Variants in CTNNA3 observed in about 807,000 individuals in gnomAD.
CTNNA3 encodes the protein catenin alpha 3.
A neutral mutation model predicts 95.7 loss-of-function variants in CTNNA3; 76 were observed. That is an observed-to-expected ratio of 0.79 (90% CI 0.66 to 0.96). The LOEUF is 0.96. Ranked by LOEUF, CTNNA3 falls within the 40% of genes least tolerant of loss-of-function variation. The probability of loss-of-function intolerance (pLI) is 0.00; values close to 1 mark genes in which losing one functional copy is unlikely to be tolerated. For missense variants in CTNNA3, 1,191 were observed against 1,089.8 expected (o/e 1.09, Z -1.31); for synonymous variants, 431 against 374.4 (o/e 1.15, Z -1.74).
intron 13 of CTNNA3, among the ~76,000 whole-genome samples, chr10:66,150,146 C>G (rs906249081): frequency 6.6e-6 from 1 of 152,190 alleles, no homozygotes; most frequent in Non-Finnish European, 1.5e-5. Context: ...GGGGGAACCC[C>G]GTGGGAGGTG....
At chr10:66,700,173 C>T (rs1174261488) in intron 9 of CTNNA3, among the ~76,000 whole-genome samples, 3 of 152,002 alleles carry the variant, frequency 2.0e-5, no homozygotes, top group Admixed American at 6.6e-5. Context: ...GCTTTCAGTG[C>T]CTGTGCTTTT....
chr10:66,518,380 A>C (rs1197045798), intron 11 of CTNNA3, among the ~76,000 whole-genome samples: 2 of 152,136 alleles, frequency 1.3e-5, no homozygotes, highest in African/African-American at 2.4e-5. Flanking sequence ...TACTATGCTA[A>C]ACTACCTCTA....
At chr10:67,427,624 C>A (rs116171316) in intron 5 of CTNNA3, among the ~76,000 whole-genome samples, 2,381 of 151,902 alleles carry the variant, frequency 0.016, 61 homozygotes, top group African/African-American at 0.055. Flanking sequence ...ATATATAATT[C>A]TTATATAAAG....
At chr10:67,146,882 G>A (rs1396916799) in intron 7 of CTNNA3, among the ~76,000 whole-genome samples, 1 of 152,120 alleles carries the variant, frequency 6.6e-6, no homozygotes, top group Non-Finnish European at 1.5e-5. Flanking sequence ...CATATAAACA[G>A]TTAACATTAT....
At chr10:66,669,931 A>AG (rs1319542164) in intron 9 of CTNNA3, among the ~76,000 whole-genome samples, 2 of 152,258 alleles carry the variant, frequency 1.3e-5, no homozygotes, top group Admixed American at 6.5e-5. Context: ...GAGGAGAGGA[A>AG]GGGGGGATAA....
chr10:66,196,336 G>A (rs1330285628), intron 13 of CTNNA3, among the ~76,000 whole-genome samples: 2 of 152,082 alleles, frequency 1.3e-5, no homozygotes, highest in East Asian at 1.9e-4. Flanking sequence ...CTGCAATCCC[G>A]AACCAGCAAG....
intron 14 of CTNNA3, among the ~76,000 whole-genome samples, chr10:66,090,504 T>C (rs945299294): frequency 1.3e-5 from 2 of 152,054 alleles, no homozygotes; most frequent in Non-Finnish European, 1.5e-5. Context: ...CTATGATGTA[T>C]GTCCATTTTA....
rs576422121 is a variant in CTNNA3 at position 66,962,455 on chromosome 10, G to A, written c.1048-186931C>T. Among the ~76,000 whole-genome samples, 21 of 151,758 alleles carry A rather than the reference G, an allele frequency of 1.4e-4. No homozygotes were observed. The East Asian group carries it at 3.9e-3, about 28-fold the overall frequency. ...AGACAGAGTCTCACTCTGTCGCTAG[G>A]CTGGAGTGCAGTGGTGTGATCTCTG... On this transcript the variant is annotated intron_variant, in intron 7 of 17. Coordinates refer to ENST00000433211, the MANE Select transcript of CTNNA3 (RefSeq NM_013266.4).
At chr10:66,363,650 A>C (rs2092692380) in intron 12 of CTNNA3, among the ~76,000 whole-genome samples, 1 of 152,236 alleles carries the variant, frequency 6.6e-6, no homozygotes, top group Non-Finnish European at 1.5e-5. Flanking sequence ...TATTAGGGGA[A>C]GTGAAAACAG....
chr10:67,269,533 G>A (rs961505066), intron 5 of CTNNA3, among the ~76,000 whole-genome samples: 2 of 152,104 alleles, frequency 1.3e-5, no homozygotes, highest in African/African-American at 2.4e-5. Flanking sequence ...CTCTGTTTAT[G>A]TTATTAATCA....
chr10:66,860,501 C>T (rs1189768380), intron 7 of CTNNA3, among the ~76,000 whole-genome samples: 1 of 152,056 alleles, frequency 6.6e-6, no homozygotes, highest in Admixed American at 6.6e-5. Flanking sequence ...CTACAGTCGG[C>T]AGAAGTAATG....
intron 7 of CTNNA3, among the ~76,000 whole-genome samples, chr10:66,853,972 C>T (rs757094982): frequency 5.3e-5 from 8 of 152,032 alleles, no homozygotes; most frequent in Admixed American, 2.0e-4. Context: ...AAATAAAAAG[C>T]CGCTATTTAA....
intron 5 of CTNNA3, among the ~76,000 whole-genome samples, chr10:67,337,571 A>G (rs1324584389): frequency 1.3e-5 from 2 of 152,220 alleles, no homozygotes; most frequent in Non-Finnish European, 2.9e-5. Flanking sequence ...GAAAGAAGTT[A>G]TATTATGGGT....
At chr10:66,551,896 CTTTT>C (rs141885331) in intron 10 of CTNNA3, among the ~76,000 whole-genome samples, 7 of 113,964 alleles carry the variant, frequency 6.1e-5, no homozygotes, top group Non-Finnish European at 1.3e-4. Context: ...TTTTCTTTTC[CTTTT>C]TTTTTTTTTT....
intron 12 of CTNNA3, among the ~76,000 whole-genome samples, chr10:66,319,827 G>A (rs1192586833): frequency 6.6e-6 from 1 of 152,066 alleles, no homozygotes; most frequent in Non-Finnish European, 1.5e-5. Context: ...ACTCTTCAAA[G>A]GAAGAGAGTA....
In CTNNA3 at chr10:67,563,249, G is replaced by A. The variant is rs559267848; in HGVS notation, c.293-23580C>T. On this transcript the variant is annotated intron_variant, in intron 3 of 17. Transcript: ENST00000433211. ...ACCTGACTTCAAACTATACTACAAG[G>A]CTACAGTAACCAAAACAGCATGGTA... Among the ~76,000 whole-genome samples the A allele has an allele frequency of 3.1e-3, 470 of 152,186 alleles. 12 individuals carry two copies. The South Asian group carries it at 0.065, about 21-fold the overall frequency.
rs151167233 is a variant in CTNNA3, at chr10:67,216,808, G to T, written c.843+2799C>A. Among the ~76,000 whole-genome samples the T allele has an allele frequency of 5.8e-3, 877 of 152,198 alleles. 8 individuals carry two copies. The highest frequency in any genetic ancestry group is 0.02 in the African/African-American group (819 of 41,528). On this transcript the variant is annotated intron_variant, in intron 6 of 17. Coordinates refer to ENST00000433211, the MANE Select transcript of CTNNA3 (RefSeq NM_013266.4). ...TCACAGGAGACAATATGTCTTAATG[G>T]ACTTGGAATTTTCAAAGCAATTTTT... is the stretch of plus-strand genomic sequence containing the variant.
chr10:66,175,716 C>T lies in CTNNA3; in HGVS notation c.1885-72467G>A, dbSNP rs924165745. Among the ~76,000 whole-genome samples, 7 of 152,146 alleles carry T rather than the reference C, an allele frequency of 4.6e-5. No individual in the cohort carries two copies. In the South Asian group the frequency reaches 1.5e-3, roughly 32 times the overall value. ...AGCTAATCTTTCTGCAGATTAATTTCCCTTCCAGGTGCTGGCCTTTAGACT... is the reference window on the plus strand; with the variant it reads ...AGCTAATCTTTCTGCAGATTAATTTTCCTTCCAGGTGCTGGCCTTTAGACT... On this transcript the variant is annotated intron_variant, in intron 13 of 17. Transcript: ENST00000433211.
At position 65,915,317 on chromosome 10, in the gene CTNNA3, A is replaced by G. The variant is rs2076993026; in HGVS notation, c.*5013T>C. Reference sequence around the variant, plus strand: ...GCCTTCGACACGACTTCACCAAACCACCAAGACAAGTGTCTCATTCTATCC... The same window carrying G: ...GCCTTCGACACGACTTCACCAAACCGCCAAGACAAGTGTCTCATTCTATCC... On this transcript the variant is annotated 3_prime_UTR_variant, in exon 18 of 18. Coordinates refer to ENST00000433211, the MANE Select transcript of CTNNA3 (RefSeq NM_013266.4). The G allele has an allele frequency of 6.6e-6, 1 of 151,976 alleles. No individual in the cohort carries two copies. Among genetic ancestry groups the G allele is most frequent in the Non-Finnish European group, 1.5e-5 (1 of 67,980 alleles). 9.4% of individuals were successfully genotyped at this position (151,976 alleles called of 1,614,324 possible).
Sources: allele counts gnomAD v4.1 joint callset (sites outside exome capture counted in the v4.1 genomes callset), GRCh38; gene constraint gnomAD v4.1.1; transcripts MANE v1.5; gene names NCBI Gene and HGNC (gene_info 2026-07-23, HGNC 2026-07-21).